The following MOB3B variants were observed in gnomAD, a reference collection of about 807,000 sequenced individuals.
MOB3B encodes the protein MOB kinase activator-like 2B.
In MOB3B, 7 loss-of-function variants were observed where a neutral mutation model predicts 18.7. That is an observed-to-expected ratio of 0.37 (90% CI 0.21 to 0.70). MOB3B has a LOEUF of 0.70. MOB3B is among the 30% of genes least tolerant of loss of function. The pLI, the probability that MOB3B is intolerant of heterozygous loss-of-function variation, is 0.52. For missense variants in MOB3B, 253 were observed against 281.3 expected, an observed-to-expected ratio of 0.90 and a Z score of 0.72; for synonymous variants, 111 against 99.9, an observed-to-expected ratio of 1.11 and a Z score of -0.66.
intron 1 of MOB3B, among the ~76,000 whole-genome samples, chr9:27,472,124 CA>C (rs1268785700): frequency 1.3e-5 from 2 of 152,098 alleles, no homozygotes; most frequent in South Asian, 4.1e-4. Context: ...AGTTATCTTG[CA>C]AAAGAGTGAA....
chr9:27,379,869 AT>A (rs1424515327), intron 2 of MOB3B, among the ~76,000 whole-genome samples: 24 of 152,354 alleles, frequency 1.6e-4, no homozygotes, highest in African/African-American at 5.1e-4. Flanking sequence ...AAACTTTTCA[AT>A]ATAGTACAAA....
At chr9:27,352,685 G>T (rs1206717607) in intron 3 of MOB3B, among the ~76,000 whole-genome samples, 1 of 152,142 alleles carries the variant, frequency 6.6e-6, no homozygotes, top group Non-Finnish European at 1.5e-5. Flanking sequence ...CAGGGTGGAG[G>T]CATGAGGAAA....
intron 2 of MOB3B, among the ~76,000 whole-genome samples, chr9:27,435,272 T>A (rs923825172): frequency 1.3e-5 from 2 of 152,184 alleles, no homozygotes; most frequent in African/African-American, 4.8e-5. Flanking sequence ...AAACTATTTT[T>A]CTTTGAGCTC....
At chr9:27,497,022 A>G (rs768905408) in intron 1 of MOB3B, among the ~76,000 whole-genome samples, 4 of 152,212 alleles carry the variant, frequency 2.6e-5, no homozygotes, top group African/African-American at 7.2e-5. Flanking sequence ...TCCTCTTCCT[A>G]TATTCCAAGA....
chr9:27,375,944 T>C (rs1249390309), intron 2 of MOB3B, among the ~76,000 whole-genome samples: 1 of 152,242 alleles, frequency 6.6e-6, no homozygotes, highest in Non-Finnish European at 1.5e-5. Context: ...TCTTTTGGTC[T>C]AATCATAAAA....
At chr9:27,453,697 G>C (rs560692302) in intron 2 of MOB3B, among the ~76,000 whole-genome samples, 64 of 152,166 alleles carry the variant, frequency 4.2e-4, no homozygotes, top group African/African-American at 1.5e-3. Context: ...GAAGACACAG[G>C]GGGAAGGACA....
intron 1 of MOB3B, among the ~76,000 whole-genome samples, chr9:27,456,502 G>T (rs904198606): frequency 1.3e-5 from 2 of 152,142 alleles, no homozygotes; most frequent in African/African-American, 2.4e-5. Flanking sequence ...CTAGAAACTG[G>T]TTCCAATTCC....
At chr9:27,392,492 A>C (rs1821740294) in intron 2 of MOB3B, among the ~76,000 whole-genome samples, 1 of 152,206 alleles carries the variant, frequency 6.6e-6, no homozygotes, top group African/African-American at 2.4e-5. Flanking sequence ...TTATGTTGCC[A>C]AAAGGGCACT....
At chr9:27,438,488 A>T (rs1469304108) in intron 2 of MOB3B, among the ~76,000 whole-genome samples, 1 of 152,214 alleles carries the variant, frequency 6.6e-6, no homozygotes, top group Non-Finnish European at 1.5e-5. Flanking sequence ...CAGATGGGCA[A>T]AGTGCTGGGG....
At chr9:27,511,147 T>C (rs1212037539) in intron 1 of MOB3B, among the ~76,000 whole-genome samples, 1 of 152,080 alleles carries the variant, frequency 6.6e-6, no homozygotes, top group African/African-American at 2.4e-5. Flanking sequence ...TTTAAAAGTC[T>C]TTCTCAAAAA....
intron 1 of MOB3B, among the ~76,000 whole-genome samples, chr9:27,502,196 G>A (rs905997038): frequency 6.6e-6 from 1 of 152,172 alleles, no homozygotes; most frequent in Non-Finnish European, 1.5e-5. Context: ...AAGAGACAAT[G>A]AGCGAATTCT....
chr9:27,416,212 C>T (rs1355957002), intron 2 of MOB3B, among the ~76,000 whole-genome samples: 1 of 151,718 alleles, frequency 6.6e-6, no homozygotes, highest in Non-Finnish European at 1.5e-5. Flanking sequence ...TAAAGATTTC[C>T]CTTCATGATC....
intron 1 of MOB3B, among the ~76,000 whole-genome samples, chr9:27,501,294 A>G (rs185656474): frequency 3.3e-4 from 51 of 152,302 alleles, no homozygotes; most frequent in African/African-American, 1.2e-3. Context: ...ATAAAGACAC[A>G]TGCACACGTA....
At chr9:27,465,605 G>T (rs1471810714) in intron 1 of MOB3B, among the ~76,000 whole-genome samples, 1 of 152,178 alleles carries the variant, frequency 6.6e-6, no homozygotes, top group Non-Finnish European at 1.5e-5. Flanking sequence ...TTTCCCTTCT[G>T]CACTGCCCTA....
chr9:27,343,478 T>TAAAAAAAAAAA (rs779124158), intron 3 of MOB3B, among the ~76,000 whole-genome samples: 34 of 84,276 alleles, frequency 4.0e-4, no homozygotes, highest in African/African-American at 6.5e-4. Flanking sequence ...CAATAAATAC[T>TAAAAAAAAAAA]AAAAAAAAAA....
chr9:27,372,416 A>G (rs1428802741), intron 2 of MOB3B, among the ~76,000 whole-genome samples: 1 of 152,200 alleles, frequency 6.6e-6, no homozygotes, highest in African/African-American at 2.4e-5. Flanking sequence ...AAATATGTAA[A>G]TACTCCCTGT....
chr9:27,477,560 A>G (rs1773888951), intron 1 of MOB3B, among the ~76,000 whole-genome samples: 1 of 152,260 alleles, frequency 6.6e-6, no homozygotes, highest in South Asian at 2.1e-4. Flanking sequence ...ACCTATGACA[A>G]AGTCAGGAAC....
rs1820938458 is a variant in MOB3B at position 27,341,323 on chromosome 9, C to T, written c.622-10707G>A. Among the ~76,000 whole-genome samples the T allele has an allele frequency of 2.6e-5, 4 of 152,178 alleles. No individual in the cohort carries two copies. The South Asian group carries it at 8.3e-4, about 32-fold the overall frequency. On this transcript the variant is annotated intron_variant, in intron 3 of 3. Transcript: ENST00000262244. ...CATGGGTCCCTAAAGGAAGAATTTA[C>T]CTCCCCTGGGAAAACAAAGGATTCC...
At chr9:27,506,444 A>G (rs984908004) in intron 1 of MOB3B, among the ~76,000 whole-genome samples, 1 of 152,060 alleles carries the variant, frequency 6.6e-6, no homozygotes, top group African/African-American at 2.4e-5. Context: ...CCCATTTTTC[A>G]TCATCACAAT....
Sources: gnomAD v4.1 joint callset for allele counts (sites outside exome capture counted in the v4.1 genomes callset) on GRCh38, gnomAD v4.1.1 for gene constraint, MANE v1.5 for transcripts, NCBI Gene and HGNC (gene_info 2026-07-23, HGNC 2026-07-21) for gene names.